The following MAST2 variants were observed in gnomAD, a reference collection of about 807,000 sequenced individuals.
MAST2 encodes microtubule-associated serine/threonine-protein kinase 2.
In MAST2, 70 loss-of-function variants were observed where a neutral mutation model predicts 147.4. The ratio of observed to expected loss-of-function variants is 0.47; its 90% CI spans 0.39 to 0.58. The LOEUF is 0.58. Ranked by LOEUF, MAST2 falls within the 20% of genes least tolerant of loss-of-function variation. The probability of loss-of-function intolerance (pLI) is 0.00; values close to 1 mark genes in which losing one functional copy is unlikely to be tolerated. For synonymous variants in MAST2, 869 were observed against 896.8 expected (o/e 0.97, Z 0.55); for missense variants, 2,080 against 2,302.3 (o/e 0.90, Z 1.98).
intron 5 of MAST2, among the ~76,000 whole-genome samples, chr1:45,962,343 C>A (rs1660547812): frequency 6.6e-6 from 1 of 151,970 alleles, no homozygotes; most frequent in African/African-American, 2.4e-5. Context: ...GAGGAATCGC[C>A]ACACTGACTT....
At chr1:45,913,395 G>A (rs1443485716) in intron 4 of MAST2, among the ~76,000 whole-genome samples, 1 of 152,228 alleles carries the variant, frequency 6.6e-6, no homozygotes, top group African/African-American at 2.4e-5. Context: ...GACACAGTGT[G>A]AGTTTTCAAG....
chr1:45,925,511 G>A (rs1654222485), intron 4 of MAST2, among the ~76,000 whole-genome samples: 1 of 152,214 alleles, frequency 6.6e-6, no homozygotes, highest in African/African-American at 2.4e-5. Context: ...ACTTTGTGTT[G>A]TAAGTGGTGT....
chr1:45,811,338 A>AT (rs57495413), intron 1 of MAST2, among the ~76,000 whole-genome samples: 22,243 of 112,944 alleles, frequency 0.2, 2,908 homozygotes, highest in Non-Finnish European at 0.26. Context: ...GTATTTTTGT[A>AT]TTTTTTTTTT....
At chr1:45,981,893 T>C (rs967927655) in intron 5 of MAST2, among the ~76,000 whole-genome samples, 2 of 148,098 alleles carry the variant, frequency 1.4e-5, no homozygotes, top group Admixed American at 6.9e-5. Flanking sequence ...CAGGCTGGAG[T>C]GCAGTGGTAT....
At chr1:45,941,548 G>C (rs894651339) in intron 4 of MAST2, among the ~76,000 whole-genome samples, 1 of 152,186 alleles carries the variant, frequency 6.6e-6, no homozygotes, top group Admixed American at 6.5e-5. Flanking sequence ...GTGAGCTACC[G>C]TGCCTGGCCG....
intron 4 of MAST2, among the ~76,000 whole-genome samples, chr1:45,921,445 C>A (rs1041134246): frequency 1.3e-5 from 2 of 152,114 alleles, no homozygotes; most frequent in Admixed American, 6.5e-5. Flanking sequence ...GCTGCACTTG[C>A]CTCAAGCTAC....
At chr1:45,948,685 C>T (rs1358347748) in intron 4 of MAST2, among the ~76,000 whole-genome samples, 2 of 106,742 alleles carry the variant, frequency 1.9e-5, no homozygotes, top group East Asian at 3.1e-4. Context: ...CCAGCCTGGG[C>T]GACAGAGTGA....
At chr1:45,941,578 ATT>A (rs1282087944) in intron 4 of MAST2, among the ~76,000 whole-genome samples, 2 of 152,308 alleles carry the variant, frequency 1.3e-5, no homozygotes, top group African/African-American at 2.4e-5. Flanking sequence ...TTTTTTAAAA[ATT>A]TCTTTGGGAT....
At chr1:46,029,282 T>C (rs1011742118) in intron 18 of MAST2, 184 bp from the exon 19 acceptor site, 23 of 567,162 alleles carry the variant, frequency 4.1e-5, no homozygotes, top group Middle Eastern at 4.3e-4. Flanking sequence ...CTGCTGTGGA[T>C]CAAAGATCAA....
chr1:45,993,867 T>C (rs1006520040), intron 5 of MAST2, among the ~76,000 whole-genome samples: 3 of 152,144 alleles, frequency 2.0e-5, no homozygotes, highest in African/African-American at 7.2e-5. Context: ...GGTTTCTTAC[T>C]ACCTCCTGAG....
At chr1:46,029,314 G>T (rs1416212155) in intron 18 of MAST2, 152 bp from the exon 19 acceptor site, 4 of 609,120 alleles carry the variant, frequency 6.6e-6, no homozygotes, top group Non-Finnish European at 2.9e-6. Context: ...GGAACCTATA[G>T]AATTTAAGGA....
chr1:45,920,006 G>A (rs1416484161), intron 4 of MAST2, among the ~76,000 whole-genome samples: 1 of 152,066 alleles, frequency 6.6e-6, no homozygotes, highest in African/African-American at 2.4e-5. Flanking sequence ...ATCCTTTGAA[G>A]GAATACTTTC....
intron 3 of MAST2, among the ~76,000 whole-genome samples, chr1:45,848,229 G>A (rs1159754870): frequency 6.6e-6 from 1 of 152,176 alleles, no homozygotes; most frequent in Non-Finnish European, 1.5e-5. Flanking sequence ...CCTTAGAAAG[G>A]CTTGTGCGGA....
At chr1:46,005,365 A>C (rs997714615) in intron 7 of MAST2, among the ~76,000 whole-genome samples, 2 of 151,704 alleles carry the variant, frequency 1.3e-5, no homozygotes, top group Non-Finnish European at 2.9e-5. Flanking sequence ...TCTGTCTCAA[A>C]AAAAAAAAAA....
chr1:45,939,991 T>TTTTTTTG, intron 4 of MAST2, among the ~76,000 whole-genome samples: 1 of 138,830 alleles, frequency 7.2e-6, no homozygotes, highest in Admixed American at 7.3e-5. Flanking sequence ...TTTTTTTTTT[T>TTTTTTTG]TTTTTTTTTT....
chr1:45,805,278 G>A (rs985968664), intron 1 of MAST2, among the ~76,000 whole-genome samples: 4 of 152,090 alleles, frequency 2.6e-5, no homozygotes, highest in African/African-American at 9.7e-5. Flanking sequence ...CTGGAACTCT[G>A]ACCTCAGGTA....
intron 6 of MAST2, 76 bp downstream of exon 6, chr1:45,997,875 TC>T: frequency 1.7e-6 from 2 of 1,196,574 alleles, no homozygotes; most frequent in South Asian, 2.4e-5. Flanking sequence ...GTCAGATTCC[TC>T]CTTTAAGTGT....
intron 5 of MAST2, among the ~76,000 whole-genome samples, chr1:45,966,681 C>T (rs954232908): frequency 6.6e-6 from 1 of 152,056 alleles, no homozygotes; most frequent in African/African-American, 2.4e-5. Context: ...AAGATTGTGC[C>T]ACTGCACTCC....
chr1:45,861,906 A>G (rs1401750990), intron 3 of MAST2, among the ~76,000 whole-genome samples: 1 of 152,164 alleles, frequency 6.6e-6, no homozygotes, highest in Non-Finnish European at 1.5e-5. Context: ...GTTAAATTGG[A>G]TGACATTCTT....
Sources: allele counts gnomAD v4.1 joint callset (sites outside exome capture counted in the v4.1 genomes callset), GRCh38; gene constraint gnomAD v4.1.1; transcripts MANE v1.5; gene names NCBI Gene and HGNC (gene_info 2026-07-23, HGNC 2026-07-21).